The following PLXNC1 variants were observed in gnomAD, a reference collection of about 807,000 sequenced individuals.
PLXNC1 encodes plexin-C1.
In PLXNC1, 75 loss-of-function variants were observed where a neutral mutation model predicts 178.2. The ratio of observed to expected loss-of-function variants is 0.42; its 90% CI spans 0.35 to 0.51. The LOEUF is 0.51. Among genes scored for constraint, PLXNC1 ranks in the 20% least tolerant of loss-of-function variants. The pLI is 0.02. For missense variants in PLXNC1, 1,503 were observed against 1,984.4 expected (o/e 0.76, Z 4.61); for synonymous variants, 790 against 779.9 (o/e 1.01, Z -0.22).
chr12:94,281,563 G>A (rs549969311), intron 22 of PLXNC1, among the ~76,000 whole-genome samples: 2 of 150,776 alleles, frequency 1.3e-5, no homozygotes, highest in South Asian at 4.2e-4. Flanking sequence ...CAGATATCCA[G>A]TTTTTTATAT....
At chr12:94,169,593 C>A (rs957789988) in intron 2 of PLXNC1, among the ~76,000 whole-genome samples, 1 of 152,178 alleles carries the variant, frequency 6.6e-6, no homozygotes, top group African/African-American at 2.4e-5. Context: ...CTACCCCAAC[C>A]CTGACTCACC....
chr12:94,203,574 C>T (rs1191739108), intron 4 of PLXNC1, among the ~76,000 whole-genome samples: 1 of 152,164 alleles, frequency 6.6e-6, no homozygotes, highest in Non-Finnish European at 1.5e-5. Context: ...GCCCTGGAAG[C>T]CTTCAAAATT....
chr12:94,167,140 GTT>G (rs1961646057), intron 1 of PLXNC1, among the ~76,000 whole-genome samples: 1 of 152,150 alleles, frequency 6.6e-6, no homozygotes, highest in South Asian at 2.1e-4. Context: ...ATTTTTCCTT[GTT>G]CCGTTTTAGC....
intron 17 of PLXNC1, among the ~76,000 whole-genome samples, chr12:94,258,263 T>C (rs1964909835): frequency 6.6e-6 from 1 of 152,168 alleles, no homozygotes; most frequent in Admixed American, 6.5e-5. Flanking sequence ...AACCAGAAAA[T>C]GCAAACCTAG....
chr12:94,222,026 A>G (rs867262531), intron 6 of PLXNC1, among the ~76,000 whole-genome samples: 10 of 152,308 alleles, frequency 6.6e-5, no homozygotes, highest in Admixed American at 2.6e-4. Flanking sequence ...AAGTGAGCTT[A>G]AAAATGCTCT....
chr12:94,212,679 A>G (rs1404296137), intron 5 of PLXNC1, among the ~76,000 whole-genome samples: 2 of 150,654 alleles, frequency 1.3e-5, no homozygotes, highest in Admixed American at 6.6e-5. Flanking sequence ...GCTGCATAGT[A>G]TTCCATGGTG....
intron 5 of PLXNC1, among the ~76,000 whole-genome samples, chr12:94,212,029 C>T (rs1364403037): frequency 6.6e-6 from 1 of 151,952 alleles, no homozygotes; most frequent in Non-Finnish European, 1.5e-5. Flanking sequence ...AATCCCAGCA[C>T]GTTGGGAGGC....
chr12:94,256,562 C>T (rs898173099), intron 17 of PLXNC1, among the ~76,000 whole-genome samples: 1 of 152,024 alleles, frequency 6.6e-6, no homozygotes, highest in African/African-American at 2.4e-5. Flanking sequence ...GAATTCGATT[C>T]CCCGAATCAG....
chr12:94,167,662 A>C (rs1200803560), intron 1 of PLXNC1, among the ~76,000 whole-genome samples: 1 of 152,202 alleles, frequency 6.6e-6, no homozygotes, highest in African/African-American at 2.4e-5. Flanking sequence ...CCTTAGACCC[A>C]CAGAGAATTT....
chr12:94,196,337 GTTCTCAC>G (rs1209231703), intron 4 of PLXNC1, among the ~76,000 whole-genome samples: 3 of 152,116 alleles, frequency 2.0e-5, no homozygotes, highest in African/African-American at 7.2e-5. Flanking sequence ...TAGTGAGCGA[GTTCTCAC>G]TCTGAGTTCA....
chr12:94,257,230 G>T (rs963851184), intron 17 of PLXNC1, among the ~76,000 whole-genome samples: 1 of 152,198 alleles, frequency 6.6e-6, no homozygotes, highest in African/African-American at 2.4e-5. Flanking sequence ...GTTGGGGGCT[G>T]TGGGGGTAGG....
chr12:94,215,022 G>A lies in PLXNC1; in HGVS notation c.1555-4994G>A, dbSNP rs926986713. ...AGCGATTCTCCTGCCTCAGCCTCCC[G>A]AGTAGCTGGGATTACAGGTGCCCAC... On this transcript the variant is annotated intron_variant, in intron 5 of 30. Transcript: ENST00000258526. Among the ~76,000 whole-genome samples the A allele has an allele frequency of 5.3e-5, 8 of 152,026 alleles. No homozygotes were observed. In the East Asian group the frequency reaches 1.2e-3, roughly 22 times the overall value.
intron 15 of PLXNC1, 81 bp downstream of exon 15, chr12:94,251,609 G>A: frequency 1.1e-6 from 1 of 874,504 alleles, no homozygotes; most frequent in South Asian, 1.3e-5. Context: ...GCTTTCAGGG[G>A]CTGTTTGCTT....
chr12:94,244,105 A>G, intron 12 of PLXNC1, 80 bp downstream of exon 12: 1 of 761,498 alleles, frequency 1.3e-6, no homozygotes, highest in East Asian at 2.7e-5. Flanking sequence ...TGTTGGGGGT[A>G]TTTTTTGTTT....
In PLXNC1 at chr12:94,187,768, G is replaced by A. The variant is rs1438463962; in HGVS notation, c.1439+1295G>A. ...GATTAAATAGCCACATGGAGCTAGCGGCTAACGTATTAACAAGCTCAGCTC... is the reference window on the plus strand; with the variant it reads ...GATTAAATAGCCACATGGAGCTAGCAGCTAACGTATTAACAAGCTCAGCTC... On this transcript the variant is annotated intron_variant, in intron 4 of 30. Coordinates refer to ENST00000258526, the MANE Select transcript of PLXNC1 (RefSeq NM_005761.3). 2.6e-5 allele frequency among the ~76,000 whole-genome samples: 4 copies of A among 152,166 alleles called. No individual in the cohort carries two copies. The East Asian group carries it at 5.8e-4, about 22-fold the overall frequency.
Position 94,227,132 on chromosome 12 carries a change from G to A in PLXNC1, c.1894-17G>A, listed in dbSNP as rs1230628706. 1 of 1,523,184 alleles carries A rather than the reference G, an allele frequency of 6.6e-7. No individual in the cohort carries two copies. Among genetic ancestry groups the A allele is most frequent in the Non-Finnish European group, 9.1e-7 (1 of 1,097,108 alleles). The allele number at this position is 1,523,184 out of a possible 1,614,324, so 94.4% of individuals were successfully genotyped here. A position where few individuals can be genotyped will look rare whatever the true frequency, so the allele number is the denominator to read the frequency against. ...TTACCACCCATCTGGATGTTGAAGG[G>A]ATGTTCTCCATTCCAGGAACAGTGT... On this transcript the variant is annotated splice_polypyrimidine_tract_variant and intron_variant, in intron 8 of 30. Coordinates refer to ENST00000258526, the MANE Select transcript of PLXNC1 (RefSeq NM_005761.3).
At chr12:94,155,790 G>A (rs558885599) in intron 1 of PLXNC1, among the ~76,000 whole-genome samples, 2 of 152,210 alleles carry the variant, frequency 1.3e-5, no homozygotes, top group Non-Finnish European at 2.9e-5. Flanking sequence ...AACCAATTCC[G>A]CACACCAGAC....
intron 6 of PLXNC1, among the ~76,000 whole-genome samples, chr12:94,221,377 A>G (rs955293583): frequency 2.0e-5 from 3 of 152,086 alleles, no homozygotes; most frequent in African/African-American, 7.3e-5. Flanking sequence ...TGGAGGGTCC[A>G]GGTGAGAGGG....
chr12:94,307,037 A>AAAAG lies in PLXNC1; in HGVS notation c.*1754_*1757dup, dbSNP rs1191896504. On this transcript the variant is annotated 3_prime_UTR_variant, in exon 31 of 31. Transcript: ENST00000258526. ...AGAGCCAAGGGTAGGAGAGTTGCCCAAAAGACTTCCCCTACTACTTTAGGG... is the reference window on the plus strand; with the variant it reads ...AGAGCCAAGGGTAGGAGAGTTGCCCAAAAGAAAGACTTCCCCTACTACTTTAGGG... 1 of 152,220 alleles carries AAAAG rather than the reference A, an allele frequency of 6.6e-6. No homozygotes were observed. The highest frequency in any genetic ancestry group is 2.4e-5 in the African/African-American group (1 of 41,456). The allele number at this position is 152,220 out of a possible 1,614,324, so 9.4% of individuals were successfully genotyped here.
Sources: allele counts gnomAD v4.1 joint callset (sites outside exome capture counted in the v4.1 genomes callset), GRCh38; gene constraint gnomAD v4.1.1; transcripts MANE v1.5; gene names NCBI Gene and HGNC (gene_info 2026-07-23, HGNC 2026-07-21).